The following TTC28 variants were observed in gnomAD, a reference collection of about 807,000 sequenced individuals.
TTC28 encodes tetratricopeptide repeat domain 28.
TTC28 carries 61 observed loss-of-function variants against 198.0 expected under a neutral mutation model. That is an observed-to-expected ratio of 0.31 (90% CI 0.25 to 0.38). The LOEUF (loss-of-function observed/expected upper bound fraction) is 0.38, where lower values mean the gene tolerates loss of function less well. Among genes scored for constraint, TTC28 ranks in the 10% least tolerant of loss-of-function variants. The pLI is 1.00. For missense variants in TTC28, 2,678 were observed against 3,164.0 expected (o/e 0.85, Z 3.69); for synonymous variants, 1,171 against 1,297.8 (o/e 0.90, Z 2.10).
At chr22:28,224,674 AG>A (rs770434090) in intron 5 of TTC28, among the ~76,000 whole-genome samples, 7 of 152,054 alleles carry the variant, frequency 4.6e-5, no homozygotes, top group Non-Finnish European at 1.0e-4. Context: ...GGGCTGGTGG[AG>A]GGGGTCATGG....
intron 2 of TTC28, among the ~76,000 whole-genome samples, chr22:28,613,543 A>C (rs1242976989): frequency 6.6e-6 from 1 of 152,230 alleles, no homozygotes; most frequent in Non-Finnish European, 1.5e-5. Context: ...CGATGCAAAA[A>C]TCCTCAATAA....
intron 6 of TTC28, among the ~76,000 whole-genome samples, chr22:28,150,889 C>A (rs1167110991): frequency 6.6e-6 from 1 of 152,132 alleles, no homozygotes. Flanking sequence ...GTGGCAGTAC[C>A]CCCAGGAAGT....
chr22:28,462,968 G>C lies in TTC28; in HGVS notation c.382-156325C>G, dbSNP rs143317457. On this transcript the variant is annotated intron_variant, in intron 2 of 22. Coordinates refer to ENST00000397906, the MANE Select transcript of TTC28 (RefSeq NM_001145418.2). ...TAACTTGAGAGAACTGGCAGAAAGA[G>C]GGACAACAGTACAATAGCTTAAATG... is the stretch of plus-strand genomic sequence containing the variant. Among the ~76,000 whole-genome samples the C allele has an allele frequency of 2.0e-5, 3 of 152,080 alleles. 1 individual carries two copies. In the South Asian group the frequency reaches 6.2e-4, roughly 32 times the overall value.
intron 2 of TTC28, among the ~76,000 whole-genome samples, chr22:28,326,334 T>C (rs1270701378): frequency 6.6e-6 from 1 of 152,126 alleles, no homozygotes; most frequent in African/African-American, 2.4e-5. Flanking sequence ...GATAGAACTG[T>C]TCTGTATCTT....
At chr22:28,316,514 T>G (rs1182221894) in intron 2 of TTC28, among the ~76,000 whole-genome samples, 1 of 152,168 alleles carries the variant, frequency 6.6e-6, no homozygotes, top group South Asian at 2.1e-4. Flanking sequence ...GTTAAATCTA[T>G]TTGTATTGGT....
At chr22:28,179,818 C>T (rs1923532170) in intron 5 of TTC28, among the ~76,000 whole-genome samples, 1 of 152,144 alleles carries the variant, frequency 6.6e-6, no homozygotes, top group Non-Finnish European at 1.5e-5. Context: ...CTGACCAATA[C>T]AATACTGAGC....
intron 6 of TTC28, among the ~76,000 whole-genome samples, chr22:28,159,256 T>C (rs538824754): frequency 6.6e-6 from 1 of 152,282 alleles, no homozygotes; most frequent in East Asian, 1.9e-4. Context: ...TAACAAATGC[T>C]GGCAAGGATG....
At position 28,163,082 on chromosome 22, in the gene TTC28, C is replaced by T. The variant is rs1255380881; in HGVS notation, c.1441+10G>A. On this transcript the variant is annotated intron_variant, in intron 6 of 22. Transcript: ENST00000397906. ...TTGACCTGGGCTCTTACAGGCAACC[C>T]TGTTCTTACCTAGATTGGAGGATGC... 6 of 1,539,054 alleles carry T rather than the reference C, an allele frequency of 3.9e-6. No individual in the cohort carries two copies. Among genetic ancestry groups the T allele is most frequent in the Non-Finnish European group, 5.3e-6 (6 of 1,140,374 alleles).
chr22:28,124,168 TTTG>T (rs71316831), intron 6 of TTC28, among the ~76,000 whole-genome samples: 12,869 of 148,130 alleles, frequency 0.087, 619 homozygotes, highest in South Asian at 0.12. Context: ...CTTATCTCTC[TTTG>T]TTGTTGTTGT....
At chr22:28,445,032 G>A (rs145631789) in intron 2 of TTC28, among the ~76,000 whole-genome samples, 2 of 152,112 alleles carry the variant, frequency 1.3e-5, no homozygotes, top group South Asian at 2.1e-4. Flanking sequence ...CTCCAAAATC[G>A]GCTTCTCTTC....
intron 2 of TTC28, among the ~76,000 whole-genome samples, chr22:28,333,303 G>GT (rs996966398): frequency 6.6e-6 from 1 of 152,054 alleles, no homozygotes; most frequent in Non-Finnish European, 1.5e-5. Context: ...TCTTCCTGCT[G>GT]TATCACTCCT....
At position 27,980,881 on chromosome 22, in the gene TTC28, T is replaced by C. The variant is rs1601471334; in HGVS notation, c.*1340A>G. ...GTTACCGTCAGAGCTGTAGGAGAAG[T>C]CCACCTCCACTTTTTAAGATACATC... On this transcript the variant is annotated 3_prime_UTR_variant, in exon 23 of 23. Coordinates refer to ENST00000397906, the MANE Select transcript of TTC28 (RefSeq NM_001145418.2). 6.6e-6 allele frequency: 1 copy of C among 152,268 alleles called. No individual in the cohort carries two copies. The highest frequency in any genetic ancestry group is 1.5e-5 in the Non-Finnish European group (1 of 68,070). The allele number at this position is 152,268 out of a possible 1,614,324, so 9.4% of individuals were successfully genotyped here.
intron 2 of TTC28, among the ~76,000 whole-genome samples, chr22:28,569,758 A>C (rs574685038): frequency 5.9e-5 from 9 of 152,306 alleles, no homozygotes; most frequent in African/African-American, 2.2e-4. Context: ...GAAACTATCA[A>C]TAGAGTAAAC....
intron 2 of TTC28, among the ~76,000 whole-genome samples, chr22:28,601,122 C>T (rs1055727426): frequency 3.9e-5 from 6 of 151,990 alleles, no homozygotes; most frequent in Admixed American, 6.6e-5. Flanking sequence ...TTATAATAAA[C>T]GTGTTTATTA....
At chr22:28,470,883 T>G (rs2048088815) in intron 2 of TTC28, among the ~76,000 whole-genome samples, 1 of 152,156 alleles carries the variant, frequency 6.6e-6, no homozygotes. Context: ...AATGTGGAGA[T>G]GACTCGAAAT....
At chr22:27,985,965 A>AT (rs1937200231) in intron 21 of TTC28, 1 of 153,824 alleles carries the variant, frequency 6.5e-6, no homozygotes, top group African/African-American at 2.4e-5. Flanking sequence ...AACACAGGGC[A>AT]TGGAGCTTCC....
intron 1 of TTC28, among the ~76,000 whole-genome samples, chr22:28,639,630 G>A (rs2051330631): frequency 1.3e-5 from 2 of 152,116 alleles, no homozygotes; most frequent in Admixed American, 1.3e-4. Flanking sequence ...TTTAAAAATG[G>A]GAGTTTTTCT....
chr22:28,099,929 C>T (rs149124272), intron 9 of TTC28, among the ~76,000 whole-genome samples: 1 of 152,304 alleles, frequency 6.6e-6, no homozygotes, highest in East Asian at 1.9e-4. Context: ...TGGGCAAGCT[C>T]CTCAAGGAGC....
Position 27,990,021 on chromosome 22 carries a change from G to T in TTC28, c.5578-14C>A. ...CACCTGGTGGAGCTGAGGAAGGGGGGACAGCGTGAGCACCCTGTGTCTCCT... is the reference window on the plus strand; with the variant it reads ...CACCTGGTGGAGCTGAGGAAGGGGGTACAGCGTGAGCACCCTGTGTCTCCT... On this transcript the variant is annotated splice_polypyrimidine_tract_variant and intron_variant, in intron 20 of 22. Coordinates refer to ENST00000397906, the MANE Select transcript of TTC28 (RefSeq NM_001145418.2). The T allele has an allele frequency of 6.5e-7, 1 of 1,548,252 alleles. No individual in the cohort carries two copies. The highest frequency in any genetic ancestry group is 1.2e-5 in the South Asian group (1 of 83,922).
Sources: allele counts gnomAD v4.1 joint callset (sites outside exome capture counted in the v4.1 genomes callset), GRCh38; gene constraint gnomAD v4.1.1; transcripts MANE v1.5; gene names NCBI Gene and HGNC (gene_info 2026-07-23, HGNC 2026-07-21).